OTUD7A: variants seen among roughly 807,000 people sequenced by gnomAD.
OTUD7A encodes OTU deubiquitinase 7A.
In OTUD7A, 12 loss-of-function variants were observed where a neutral mutation model predicts 65.7. That is an observed-to-expected ratio of 0.18 (90% confidence interval 0.12 to 0.30). OTUD7A has a LOEUF of 0.30. Among genes scored for constraint, OTUD7A ranks in the 10% least tolerant of loss-of-function variants. OTUD7A has a pLI of 1.00. For synonymous variants in OTUD7A, 641 were observed against 586.3 expected (o/e 1.09, Z -1.35); for missense variants, 1,148 against 1,304.8 (o/e 0.88, Z 1.85).
At chr15:31,824,615 G>A (rs376711414) in intron 1 of OTUD7A, among the ~76,000 whole-genome samples, 4 of 152,100 alleles carry the variant, frequency 2.6e-5, no homozygotes, top group African/African-American at 7.2e-5. Flanking sequence ...CATAGTGATC[G>A]TCAACTGTTT....
intron 3 of OTUD7A, among the ~76,000 whole-genome samples, chr15:31,606,137 T>A (rs1246209315): frequency 6.6e-6 from 1 of 152,252 alleles, no homozygotes; most frequent in Non-Finnish European, 1.5e-5. Flanking sequence ...AGTTGCTCTT[T>A]GCTTGCAATT....
At chr15:31,731,273 T>C (rs758588634) in intron 1 of OTUD7A, among the ~76,000 whole-genome samples, 40 of 152,324 alleles carry the variant, frequency 2.6e-4, no homozygotes, top group Non-Finnish European at 4.4e-4. Context: ...AGAACGCAGA[T>C]GTTTACAGCA....
intron 10 of OTUD7A, among the ~76,000 whole-genome samples, chr15:31,489,144 T>G (rs1029509707): frequency 6.6e-6 from 1 of 152,180 alleles, no homozygotes; most frequent in Non-Finnish European, 1.5e-5. Context: ...GAGAAGGGGT[T>G]AGCCTCGCTT....
chr15:31,540,479 G>C (rs1423100600), intron 5 of OTUD7A, among the ~76,000 whole-genome samples: 2 of 152,120 alleles, frequency 1.3e-5, no homozygotes, highest in African/African-American at 4.8e-5. Flanking sequence ...TAGACTTCCT[G>C]GGTTCAAATC....
At chr15:31,547,017 C>T (rs571235807) in intron 5 of OTUD7A, among the ~76,000 whole-genome samples, 1 of 119,520 alleles carries the variant, frequency 8.4e-6, no homozygotes, top group Non-Finnish European at 2.0e-5. Context: ...TGCACACTTT[C>T]CCACATGTAC....
intron 1 of OTUD7A, among the ~76,000 whole-genome samples, chr15:31,802,133 G>GTA (rs1219526014): frequency 3.9e-4 from 46 of 117,290 alleles, no homozygotes; most frequent in African/African-American, 1.3e-3. Flanking sequence ...GTGTGTGTGT[G>GTA]TGTGTGTGTA....
In OTUD7A at chr15:31,622,437, A is replaced by C. The variant is rs187576998; in HGVS notation, c.151+32659T>G. 4.2e-3 allele frequency among the ~76,000 whole-genome samples: 641 copies of C among 152,220 alleles called. 3 individuals carry two copies. Among genetic ancestry groups the C allele is most frequent in the African/African-American group, 0.015 (620 of 41,524 alleles). On this transcript the variant is annotated intron_variant, in intron 3 of 12. Coordinates refer to ENST00000307050, the MANE Select transcript of OTUD7A (RefSeq NM_001382637.1). ...GGATTTGGTCTTTTCACATAGTCCC[A>C]TATTTCTTGGAGGCTTTGTTTGTTT...
intron 3 of OTUD7A, among the ~76,000 whole-genome samples, chr15:31,647,098 T>C (rs1891697247): frequency 6.6e-6 from 1 of 152,210 alleles, no homozygotes; most frequent in South Asian, 2.1e-4. Flanking sequence ...GAGCTCTCTC[T>C]AGTGGGAACG....
At chr15:31,828,271 T>C (rs1348972398) in intron 1 of OTUD7A, among the ~76,000 whole-genome samples, 1 of 152,212 alleles carries the variant, frequency 6.6e-6, no homozygotes, top group Non-Finnish European at 1.5e-5. Context: ...CCTCAGACAT[T>C]TGCTTATGTC....
intron 1 of OTUD7A, among the ~76,000 whole-genome samples, chr15:31,704,438 T>C (rs1408607995): frequency 7.4e-6 from 1 of 135,712 alleles, no homozygotes; most frequent in Non-Finnish European, 1.6e-5. Context: ...CTAGCTTTAT[T>C]GGGCTTTCAC....
chr15:31,779,372 A>G (rs1895475931), intron 1 of OTUD7A, among the ~76,000 whole-genome samples: 2 of 152,226 alleles, frequency 1.3e-5, no homozygotes, highest in Admixed American at 1.3e-4. Context: ...TCCAGGCAAC[A>G]TGTGCTTTTT....
intron 8 of OTUD7A, among the ~76,000 whole-genome samples, chr15:31,513,884 A>C (rs1005269777): frequency 2.0e-5 from 3 of 152,200 alleles, no homozygotes; most frequent in African/African-American, 7.2e-5. Context: ...GTTTATTGGT[A>C]TCACTATGGA....
chr15:31,610,620 T>A lies in OTUD7A; in HGVS notation c.152-40423A>T, dbSNP rs1376540697. Among the ~76,000 whole-genome samples, 29 of 88,774 alleles carry A rather than the reference T, an allele frequency of 3.3e-4. No individual in the cohort carries two copies. In the East Asian group the frequency reaches 4.7e-3, roughly 14 times the overall value. The allele number at this position is 88,774 out of a possible 152,430, so 58.2% of individuals were successfully genotyped here. ...ATATATATATATATATATATATATTTTTTTTTTTTTTTTTTTTTTGAGACG... is the reference window on the plus strand; with the variant it reads ...ATATATATATATATATATATATATTATTTTTTTTTTTTTTTTTTTGAGACG... On this transcript the variant is annotated intron_variant, in intron 3 of 12. Transcript: ENST00000307050.
chr15:31,785,182 G>A (rs934403422), intron 1 of OTUD7A, among the ~76,000 whole-genome samples: 1 of 152,094 alleles, frequency 6.6e-6, no homozygotes, highest in Non-Finnish European at 1.5e-5. Flanking sequence ...AGTACACTTT[G>A]ATGGAACCAG....
chr15:31,766,180 C>A, intron 1 of OTUD7A: 3 of 1,494,478 alleles, frequency 2.0e-6, no homozygotes, highest in Non-Finnish European at 2.8e-6. Context: ...AATCTTCCAG[C>A]AAGAAGCTCA....
intron 1 of OTUD7A, among the ~76,000 whole-genome samples, chr15:31,783,388 G>A (rs1177093229): frequency 1.3e-5 from 2 of 152,168 alleles, no homozygotes; most frequent in Admixed American, 1.3e-4. Context: ...TCATTCTAAG[G>A]AGAGATTTGC....
intron 1 of OTUD7A, among the ~76,000 whole-genome samples, chr15:31,669,407 A>C (rs908005542): frequency 3.9e-5 from 6 of 152,110 alleles, no homozygotes; most frequent in African/African-American, 1.4e-4. Flanking sequence ...CTGCTGAGTC[A>C]TGCAGGCTGT....
At chr15:31,620,189 T>C (rs560009307) in intron 3 of OTUD7A, among the ~76,000 whole-genome samples, 47 of 152,338 alleles carry the variant, frequency 3.1e-4, no homozygotes, top group African/African-American at 9.6e-4. Flanking sequence ...TTGAGGATTT[T>C]TGCATCGATG....
chr15:31,809,547 A>G (rs1277014067), intron 1 of OTUD7A, among the ~76,000 whole-genome samples: 4 of 152,216 alleles, frequency 2.6e-5, no homozygotes, highest in African/African-American at 4.8e-5. Context: ...TGCCCAGCAG[A>G]TTTCCAGGAA....
Sources: gnomAD v4.1 joint callset for allele counts (sites outside exome capture counted in the v4.1 genomes callset) on GRCh38, gnomAD v4.1.1 for gene constraint, MANE v1.5 for transcripts, NCBI Gene and HGNC (gene_info 2026-07-23, HGNC 2026-07-21) for gene names.